The following ATP2B2 variants were observed in gnomAD, a reference collection of about 807,000 sequenced individuals.
ATP2B2 encodes the protein plasma membrane calcium-transporting ATPase 2.
ATP2B2 carries 15 observed loss-of-function variants against 120.0 expected under a neutral mutation model. The observed-to-expected ratio is 0.12, with a 90% confidence interval of 0.08 to 0.19. ATP2B2 has a LOEUF of 0.19. Ranked by LOEUF, ATP2B2 falls within the 10% of genes least tolerant of loss-of-function variation. ATP2B2 has a pLI of 1.00. For synonymous variants in ATP2B2, 694 were observed against 700.3 expected, an observed-to-expected ratio of 0.99 and a Z score of 0.14; for missense variants, 1,045 against 1,719.8, an observed-to-expected ratio of 0.61 and a Z score of 6.94.
intron 22 of ATP2B2, chr3:10,332,303 A>G (rs767043664): frequency 1.1e-5 from 5 of 455,840 alleles, no homozygotes; most frequent in African/African-American, 1.9e-5. Flanking sequence ...TACGGCGTCC[A>G]GAATGTGGCT....
chr3:10,539,185 AAGG>A (rs1343878440), intron 2 of ATP2B2, among the ~76,000 whole-genome samples: 1 of 152,226 alleles, frequency 6.6e-6, no homozygotes, highest in Non-Finnish European at 1.5e-5. Flanking sequence ...GGACCTCTTC[AAGG>A]AGAACTACAA....
intron 1 of ATP2B2, among the ~76,000 whole-genome samples, chr3:10,486,320 C>CGTGAGTGT (rs1049628903): frequency 8.6e-6 from 1 of 115,816 alleles, no homozygotes; most frequent in Non-Finnish European, 2.0e-5. Context: ...GGTGTGTGTG[C>CGTGAGTGT]GTGCGTGTGT....
At chr3:10,613,677 G>C (rs1268250355) in intron 2 of ATP2B2, among the ~76,000 whole-genome samples, 1 of 151,978 alleles carries the variant, frequency 6.6e-6, no homozygotes, top group East Asian at 1.9e-4. Flanking sequence ...CACTGCCACT[G>C]TCCTGGCCCG....
intron 2 of ATP2B2, among the ~76,000 whole-genome samples, chr3:10,588,395 C>T (rs936592906): frequency 1.3e-5 from 2 of 152,158 alleles, no homozygotes; most frequent in Non-Finnish European, 2.9e-5. Flanking sequence ...CTTGAGTGCC[C>T]AGCAGTGGGC....
In ATP2B2 at chr3:10,522,909, C is replaced by T. The variant is rs114912648; in HGVS notation, c.-320+11130G>A. The stretch of plus-strand genomic sequence containing the variant: ...GCTGCAGAGATGGTGACGATGATGT[C>T]GGCACCCAGGGTTGCTCTGAGGACT... On this transcript the variant is annotated intron_variant, in intron 3 of 21. Coordinates refer to the ATP2B2 transcript ENST00000646379. Among the ~76,000 whole-genome samples, 393 of 152,278 alleles carry T rather than the reference C, an allele frequency of 2.6e-3. 1 individual carries two copies. Among genetic ancestry groups the T allele is most frequent in the African/African-American group, 8.9e-3 (368 of 41,548 alleles).
chr3:10,474,453 G>A (rs755540088), intron 1 of ATP2B2, among the ~76,000 whole-genome samples: 1 of 152,160 alleles, frequency 6.6e-6, no homozygotes, highest in Admixed American at 6.5e-5. Flanking sequence ...TGAGATCATC[G>A]AGGGACATAG....
intron 1 of ATP2B2, among the ~76,000 whole-genome samples, chr3:10,683,271 T>C (rs1230091981): frequency 6.6e-6 from 1 of 152,054 alleles, no homozygotes; most frequent in Non-Finnish European, 1.5e-5. Context: ...GGGCCTGCAT[T>C]TGTAACCACA....
intron 2 of ATP2B2, among the ~76,000 whole-genome samples, chr3:10,445,042 T>A (rs762782929): frequency 6.6e-6 from 1 of 152,252 alleles, no homozygotes; most frequent in Non-Finnish European, 1.5e-5. Flanking sequence ...TCTGATGGCA[T>A]GTTAACTCTG....
At chr3:10,530,092 C>T (rs1270477713) in intron 3 of ATP2B2, among the ~76,000 whole-genome samples, 4 of 152,184 alleles carry the variant, frequency 2.6e-5, no homozygotes, top group African/African-American at 9.7e-5. Flanking sequence ...CCCTCACAAA[C>T]TAATACAGAT....
intron 2 of ATP2B2, among the ~76,000 whole-genome samples, chr3:10,425,842 G>A (rs141636091): frequency 7.9e-5 from 12 of 152,226 alleles, no homozygotes; most frequent in African/African-American, 2.4e-4. Context: ...CCCTCAATTC[G>A]TACTCTACCC....
intron 1 of ATP2B2, among the ~76,000 whole-genome samples, chr3:10,671,065 G>A (rs1021087651): frequency 6.6e-6 from 1 of 152,168 alleles, no homozygotes; most frequent in Non-Finnish European, 1.5e-5. Context: ...TCCAAATGTG[G>A]TCATGTCTCA....
At chr3:10,685,279 T>C (rs2071491253) in intron 1 of ATP2B2, among the ~76,000 whole-genome samples, 1 of 152,180 alleles carries the variant, frequency 6.6e-6, no homozygotes, top group African/African-American at 2.4e-5. Flanking sequence ...GTCAAGCCAA[T>C]AAGTGTGCTC....
At chr3:10,463,694 G>A (rs1056660970) in intron 1 of ATP2B2, among the ~76,000 whole-genome samples, 5 of 152,236 alleles carry the variant, frequency 3.3e-5, no homozygotes, top group Non-Finnish European at 7.3e-5. Context: ...CAGCATGTGG[G>A]TCAGGAGTGG....
chr3:10,391,023 A>C (rs967975596), intron 5 of ATP2B2, among the ~76,000 whole-genome samples: 1 of 152,190 alleles, frequency 6.6e-6, no homozygotes, highest in Non-Finnish European at 1.5e-5. Context: ...CTGGGGTCTC[A>C]TGGCGGGTAT....
At chr3:10,400,805 A>T in intron 5 of ATP2B2, 148 bp downstream of exon 5, 1 of 1,220,272 alleles carries the variant, frequency 8.2e-7, no homozygotes. Context: ...AGAGAAAAGG[A>T]AGGGAGTTCT....
chr3:10,345,295 G>C, intron 18 of ATP2B2, 89 bp downstream of exon 18: 1 of 1,469,886 alleles, frequency 6.8e-7, no homozygotes, highest in South Asian at 1.2e-5. Flanking sequence ...GTTCTGACAG[G>C]GACAACCTGG....
chr3:10,350,361 G>A (rs953186699), intron 15 of ATP2B2, 37 bp downstream of exon 15: 7 of 1,613,728 alleles, frequency 4.3e-6, no homozygotes, highest in African/African-American at 1.3e-5. Context: ...CCATCTGAGC[G>A]CGTTCCCCTG....
chr3:10,369,830 C>T (rs1472381494), intron 12 of ATP2B2, among the ~76,000 whole-genome samples: 1 of 152,198 alleles, frequency 6.6e-6, no homozygotes, highest in Non-Finnish European at 1.5e-5. Context: ...TTAACCACTA[C>T]CCAGTCACAC....
intron 2 of ATP2B2, among the ~76,000 whole-genome samples, chr3:10,614,102 G>A (rs185358981): frequency 3.3e-5 from 5 of 151,888 alleles, no homozygotes; most frequent in African/African-American, 7.3e-5. Flanking sequence ...TCACCCAGCT[G>A]TATTCTCCTT....
Sources: allele counts gnomAD v4.1 joint callset (sites outside exome capture counted in the v4.1 genomes callset), GRCh38; gene constraint gnomAD v4.1.1; transcripts MANE v1.5; gene names NCBI Gene and HGNC (gene_info 2026-07-23, HGNC 2026-07-21).